The following TTLL1 variants were observed in gnomAD, a reference collection of about 807,000 sequenced individuals.
The protein encoded by TTLL1 is polyglutamylase complex subunit TTLL1.
Under a neutral mutation model 47.8 loss-of-function variants are expected in TTLL1, and 33 were observed. The ratio of observed to expected loss-of-function variants is 0.69; its 90% CI spans 0.52 to 0.92. The LOEUF is 0.92. TTLL1 is among the 40% of genes least tolerant of loss of function. The probability of loss-of-function intolerance (pLI) is 0.00; values close to 1 mark genes in which losing one functional copy is unlikely to be tolerated. For synonymous variants in TTLL1, 225 were observed against 214.1 expected (o/e 1.05, Z -0.45); for missense variants, 488 against 547.5 (o/e 0.89, Z 1.08).
At chr22:43,075,356 G>A (rs892874791) in intron 3 of TTLL1, 118 bp downstream of exon 3, 11 of 817,770 alleles carry the variant, frequency 1.3e-5, no homozygotes, top group Non-Finnish European at 2.1e-5. Context: ...TGTGTGCGGG[G>A]AGATGGCACA....
chr22:43,087,837 C>CAAAAA (rs134988), intron 1 of TTLL1, among the ~76,000 whole-genome samples: 1 of 62,964 alleles, frequency 1.6e-5, no homozygotes, highest in African/African-American at 5.6e-5. Context: ...GAGACGGTCT[C>CAAAAA]AAAAAAAAAA....
chr22:43,041,439 A>G (rs561056978), intron 10 of TTLL1: 1 of 152,076 alleles, frequency 6.6e-6, no homozygotes, highest in East Asian at 1.9e-4. Flanking sequence ...TGAGTTAGAA[A>G]CTTCTGAGGT....
intron 1 of TTLL1, among the ~76,000 whole-genome samples, chr22:43,087,595 T>C (rs1929309036): frequency 6.6e-6 from 1 of 151,226 alleles, no homozygotes; most frequent in Non-Finnish European, 1.5e-5. Flanking sequence ...CCCAACACTT[T>C]GGGAGGCCAA....
At chr22:43,049,956 G>A (rs1250878919) in intron 9 of TTLL1, among the ~76,000 whole-genome samples, 1 of 151,824 alleles carries the variant, frequency 6.6e-6, no homozygotes, top group East Asian at 1.9e-4. Flanking sequence ...ATTAGCCAGG[G>A]TTGGCGGCAT....
At chr22:43,071,236 AG>A (rs1928100061) in intron 3 of TTLL1, among the ~76,000 whole-genome samples, 1 of 151,920 alleles carries the variant, frequency 6.6e-6, no homozygotes, top group Admixed American at 6.6e-5. Flanking sequence ...ATACTTCTAT[AG>A]GGACAAGCTT....
intron 3 of TTLL1, chr22:43,070,170 C>G (rs1460382314): frequency 7.2e-7 from 1 of 1,380,906 alleles, no homozygotes. Context: ...AAAAGATATA[C>G]CCTTTTCAGA....
At position 43,068,688 on chromosome 22, in the gene TTLL1, A is replaced by T. The variant is rs936687258; in HGVS notation, c.323-98T>A. ...TTGCCTTTCCAGGGCCTGTGGGCTG[A>T]GTGTCCCCCACCGCAACCCAGCAGC... On this transcript the variant is annotated intron_variant, in intron 4 of 10. Transcript: ENST00000266254. The T allele has an allele frequency of 2.0e-5, 23 of 1,160,786 alleles. No homozygotes were observed. The African/African-American group carries it at 3.6e-4, about 18-fold the overall frequency. 71.9% of individuals were successfully genotyped at this position (1,160,786 alleles called of 1,614,324 possible).
chr22:43,077,739 A>G (rs1928601819), intron 2 of TTLL1, among the ~76,000 whole-genome samples: 1 of 152,198 alleles, frequency 6.6e-6, no homozygotes, highest in Non-Finnish European at 1.5e-5. Context: ...GGAAGGCTAC[A>G]GGAGGCTGCC....
chr22:43,049,758 A>T (rs1926450774), intron 9 of TTLL1, among the ~76,000 whole-genome samples: 1 of 149,238 alleles, frequency 6.7e-6, no homozygotes, highest in Admixed American at 6.8e-5. Context: ...ACAGAGTGGG[A>T]CCCTGTCTCA....
At chr22:43,077,047 G>C (rs994383564) in intron 2 of TTLL1, among the ~76,000 whole-genome samples, 6 of 152,008 alleles carry the variant, frequency 3.9e-5, no homozygotes, top group Non-Finnish European at 8.8e-5. Flanking sequence ...ATTGCAGTGA[G>C]CGGAGATCGC....
intron 1 of TTLL1, 32 bp from the exon 2 acceptor site, chr22:43,080,018 C>G (rs1022523788): frequency 6.6e-6 from 1 of 152,108 alleles, no homozygotes; most frequent in Non-Finnish European, 1.5e-5. Flanking sequence ...AAATGTACAT[C>G]AAACACATTA....
chr22:43,055,126 C>T (rs1213919872), intron 8 of TTLL1, among the ~76,000 whole-genome samples: 3 of 150,840 alleles, frequency 2.0e-5, no homozygotes, highest in Non-Finnish European at 4.4e-5. Flanking sequence ...CGGGTTCAAG[C>T]GATTCTCCTG....
At chr22:43,054,899 T>C (rs1926898274) in intron 8 of TTLL1, among the ~76,000 whole-genome samples, 1 of 151,156 alleles carries the variant, frequency 6.6e-6, no homozygotes, top group South Asian at 2.1e-4. Context: ...TAATTTTTTG[T>C]ATTTTTAGTA....
intron 8 of TTLL1, among the ~76,000 whole-genome samples, chr22:43,052,641 C>T (rs1394263851): frequency 2.0e-5 from 3 of 152,018 alleles, no homozygotes; most frequent in Non-Finnish European, 4.4e-5. Context: ...CTCGGGACAG[C>T]TGGAGGCTGG....
intron 7 of TTLL1, among the ~76,000 whole-genome samples, chr22:43,062,798 G>A (rs747983430): frequency 6.6e-6 from 1 of 152,072 alleles, no homozygotes; most frequent in African/African-American, 2.4e-5. Context: ...CTGCACTCTA[G>A]CCGGGGCAAC....
chr22:43,087,608 T>C (rs1601713164), intron 1 of TTLL1, among the ~76,000 whole-genome samples: 1 of 146,332 alleles, frequency 6.8e-6, no homozygotes. Context: ...GAGGCCAAGG[T>C]GGGTAGATCA....
chr22:43,041,276 A>T (rs926963823), intron 10 of TTLL1: 3 of 152,188 alleles, frequency 2.0e-5, no homozygotes, highest in African/African-American at 7.2e-5. Flanking sequence ...TGCGCTGGCC[A>T]TCCTGACTAG....
chr22:43,079,864 CA>C (rs1928766690), intron 2 of TTLL1, 37 bp downstream of exon 2: 1 of 152,178 alleles, frequency 6.6e-6, no homozygotes, highest in African/African-American at 2.4e-5. Flanking sequence ...ACCGTGTGGG[CA>C]AATGGTCCCT....
At chr22:43,071,762 T>C (rs1272873581) in intron 3 of TTLL1, among the ~76,000 whole-genome samples, 1 of 152,208 alleles carries the variant, frequency 6.6e-6, no homozygotes, top group Non-Finnish European at 1.5e-5. Flanking sequence ...AGCTGAGCAA[T>C]TCTACTTCTC....
Sources: gnomAD v4.1 joint callset for allele counts (sites outside exome capture counted in the v4.1 genomes callset) on GRCh38, gnomAD v4.1.1 for gene constraint, MANE v1.5 for transcripts, NCBI Gene and HGNC (gene_info 2026-07-23, HGNC 2026-07-21) for gene names.